PAX5: variants seen among roughly 807,000 people sequenced by gnomAD.
The protein encoded by PAX5 is paired box protein Pax-5.
A neutral mutation model predicts 43.7 loss-of-function variants in PAX5; 9 were observed. The ratio of observed to expected loss-of-function variants is 0.21; its 90% CI spans 0.12 to 0.36. The LOEUF is 0.36. Among genes scored for constraint, PAX5 ranks in the 10% least tolerant of loss-of-function variants. The pLI is 1.00. For synonymous variants in PAX5, 228 were observed against 214.3 expected, an observed-to-expected ratio of 1.06 and a Z score of -0.56; for missense variants, 383 against 532.7, an observed-to-expected ratio of 0.72 and a Z score of 2.77.
At chr9:36,906,465 A>C (rs143112980) in intron 7 of PAX5, among the ~76,000 whole-genome samples, 75 of 152,328 alleles carry the variant, frequency 4.9e-4, no homozygotes, top group African/African-American at 1.8e-3. Flanking sequence ...AGAAGCTGGA[A>C]AAGGCAAGGA....
chr9:36,998,565 A>G (rs1239002643), intron 5 of PAX5, among the ~76,000 whole-genome samples: 1 of 152,256 alleles, frequency 6.6e-6, no homozygotes. Context: ...TGTGTTGTCC[A>G]ATACAGCAGC....
In PAX5 at chr9:37,018,873, T is replaced by C. The variant is rs181459725; in HGVS notation, c.212+1763A>G. Among the ~76,000 whole-genome samples, 4 of 152,280 alleles carry C rather than the reference T, an allele frequency of 2.6e-5. No homozygotes were observed. In the East Asian group the frequency reaches 7.7e-4, roughly 29 times the overall value. On this transcript the variant is annotated intron_variant, in intron 2 of 9. Coordinates refer to ENST00000358127, the MANE Select transcript of PAX5 (RefSeq NM_016734.3). ...GTCCCCCTCAATCTCCATGGGAGATTTGGAGGCTCCAGAGCACCAGAACAT... is the reference window on the plus strand; with the variant it reads ...GTCCCCCTCAATCTCCATGGGAGATCTGGAGGCTCCAGAGCACCAGAACAT...
chr9:36,972,795 AGGC>A (rs1835027978), intron 5 of PAX5, among the ~76,000 whole-genome samples: 1 of 152,192 alleles, frequency 6.6e-6, no homozygotes, highest in African/African-American at 2.4e-5. Context: ...TGGGAGGCCG[AGGC>A]AGGCAAATCA....
intron 7 of PAX5, among the ~76,000 whole-genome samples, chr9:36,886,803 C>A (rs1468493665): frequency 1.3e-5 from 2 of 152,114 alleles, no homozygotes; most frequent in Non-Finnish European, 2.9e-5. Flanking sequence ...TAACATAATT[C>A]CTCCTATTAA....
At chr9:36,949,928 GAT>G (rs1363506737) in intron 6 of PAX5, among the ~76,000 whole-genome samples, 5 of 152,076 alleles carry the variant, frequency 3.3e-5, no homozygotes, top group African/African-American at 1.2e-4. Flanking sequence ...CTCCCACCAC[GAT>G]CTTCACCTAC....
chr9:36,907,657 C>T lies in PAX5; in HGVS notation c.910+15698G>A, dbSNP rs78432060. ...GACAGGGTGGAAGCTCTTTACTTAC[C>T]GACAGCTAGGGTGTCCTTAAAACAT... is the stretch of plus-strand genomic sequence containing the variant. On this transcript the variant is annotated intron_variant, in intron 7 of 9. Coordinates refer to ENST00000358127, the MANE Select transcript of PAX5 (RefSeq NM_016734.3). Among the ~76,000 whole-genome samples, 1,333 of 152,224 alleles carry T rather than the reference C, an allele frequency of 8.8e-3. 8 individuals carry two copies. Among genetic ancestry groups the T allele is most frequent in the Middle Eastern group, 0.017 (5 of 294 alleles).
chr9:36,876,953 T>G (rs1825963192), intron 8 of PAX5, among the ~76,000 whole-genome samples: 1 of 152,222 alleles, frequency 6.6e-6, no homozygotes, highest in Admixed American at 6.5e-5. Context: ...TTTCAGGCTC[T>G]GCAGTGTGGC....
At chr9:36,940,247 A>G (rs1831933933) in intron 6 of PAX5, among the ~76,000 whole-genome samples, 1 of 152,330 alleles carries the variant, frequency 6.6e-6, no homozygotes, top group African/African-American at 2.4e-5. Context: ...GCCCATATCA[A>G]TAACAGATGA....
At chr9:36,879,755 A>G (rs1826235927) in intron 8 of PAX5, among the ~76,000 whole-genome samples, 1 of 152,202 alleles carries the variant, frequency 6.6e-6, no homozygotes, top group Non-Finnish European at 1.5e-5. Flanking sequence ...TCCGTGTTCT[A>G]TAAGGCACTA....
At chr9:36,903,056 C>T (rs1265004233) in intron 7 of PAX5, among the ~76,000 whole-genome samples, 1 of 152,212 alleles carries the variant, frequency 6.6e-6, no homozygotes, top group Non-Finnish European at 1.5e-5. Flanking sequence ...ATCCTTCCTC[C>T]TCTCAGGCAG....
At chr9:36,899,998 C>A (rs1828226501) in intron 7 of PAX5, among the ~76,000 whole-genome samples, 1 of 152,236 alleles carries the variant, frequency 6.6e-6, no homozygotes, top group Non-Finnish European at 1.5e-5. Flanking sequence ...GAACAAGGCC[C>A]TCCTAACTAC....
At chr9:36,885,407 T>C (rs1290050573) in intron 7 of PAX5, among the ~76,000 whole-genome samples, 1 of 152,166 alleles carries the variant, frequency 6.6e-6, no homozygotes, top group African/African-American at 2.4e-5. Context: ...ATTCTGAGCC[T>C]CGATTTCCTT....
chr9:36,976,447 G>A (rs1393843977), intron 5 of PAX5, among the ~76,000 whole-genome samples: 1 of 152,110 alleles, frequency 6.6e-6, no homozygotes. Flanking sequence ...GGGATTCCGG[G>A]TACAGGCAAC....
chr9:36,912,393 C>T (rs759131846), intron 7 of PAX5, among the ~76,000 whole-genome samples: 194 of 152,368 alleles, frequency 1.3e-3, no homozygotes, highest in Non-Finnish European at 1.0e-3. Flanking sequence ...AAATTAGTAA[C>T]TTGCCTGAGA....
rs142240173 is a variant in PAX5 at position 36,916,370 on chromosome 9, T to G, written c.910+6985A>C. ...TAGCTTTATCAGATATTTTAAAATA[T>G]GCTAAGACTTTTACTCATTTCTCTA... On this transcript the variant is annotated intron_variant, in intron 7 of 9. Transcript: ENST00000358127. Among the ~76,000 whole-genome samples, 149 of 152,316 alleles carry G rather than the reference T, an allele frequency of 9.8e-4. No individual in the cohort carries two copies. The East Asian group carries it at 0.027, about 28-fold the overall frequency.
chr9:36,958,373 C>T (rs978423594), intron 6 of PAX5, among the ~76,000 whole-genome samples: 20 of 151,984 alleles, frequency 1.3e-4, no homozygotes, highest in African/African-American at 4.6e-4. Flanking sequence ...CAACTGATTG[C>T]ATTTCCCATT....
chr9:36,885,990 G>T (rs1240619310), intron 7 of PAX5, among the ~76,000 whole-genome samples: 1 of 152,102 alleles, frequency 6.6e-6, no homozygotes, highest in African/African-American at 2.4e-5. Flanking sequence ...TGGCCAATGG[G>T]ATGGGAGCAC....
At chr9:37,023,434 G>A (rs573473414) in intron 1 of PAX5, among the ~76,000 whole-genome samples, 101 of 152,088 alleles carry the variant, frequency 6.6e-4, no homozygotes, top group Non-Finnish European at 1.2e-3. Flanking sequence ...CGTGAAAGGG[G>A]GACTGACACA....
intron 6 of PAX5, among the ~76,000 whole-genome samples, chr9:36,955,708 A>G (rs1588074414): frequency 1.3e-5 from 2 of 151,568 alleles, no homozygotes; most frequent in Admixed American, 6.6e-5. Flanking sequence ...TCATGCACTT[A>G]AAGTTCTGGC....
Sources: allele counts gnomAD v4.1 joint callset (sites outside exome capture counted in the v4.1 genomes callset), GRCh38; gene constraint gnomAD v4.1.1; transcripts MANE v1.5; gene names NCBI Gene and HGNC (gene_info 2026-07-23, HGNC 2026-07-21).